The following PARD3B variants were observed in gnomAD, a reference collection of about 807,000 sequenced individuals.
PARD3B encodes partitioning defective 3 homolog B.
In PARD3B, 103 loss-of-function variants were observed where a neutral mutation model predicts 130.2. That is an observed-to-expected ratio of 0.79 (90% CI 0.67 to 0.93). The LOEUF (loss-of-function observed/expected upper bound fraction) is 0.93. Among genes scored for constraint, PARD3B ranks in the 40% least tolerant of loss-of-function variants. PARD3B has a pLI of 0.00. For missense variants in PARD3B, 1,609 were observed against 1,499.2 expected, an observed-to-expected ratio of 1.07 and a Z score of -1.21; for synonymous variants, 583 against 553.2, an observed-to-expected ratio of 1.05 and a Z score of -0.76.
chr2:204,557,110 A>G (rs1354700862), intron 1 of PARD3B, among the ~76,000 whole-genome samples: 1 of 151,016 alleles, frequency 6.6e-6, no homozygotes, highest in Non-Finnish European at 1.5e-5. Context: ...ATCTTCTTGT[A>G]TGTTGGTACA....
intron 2 of PARD3B, among the ~76,000 whole-genome samples, chr2:204,918,260 A>G (rs2047520761): frequency 6.6e-6 from 1 of 152,204 alleles, no homozygotes; most frequent in Non-Finnish European, 1.5e-5. Context: ...TGTTTTTTCC[A>G]CATTATAATG....
At chr2:204,581,838 G>A (rs918675164) in intron 1 of PARD3B, among the ~76,000 whole-genome samples, 1 of 152,192 alleles carries the variant, frequency 6.6e-6, no homozygotes, top group African/African-American at 2.4e-5. Flanking sequence ...CTTGACCAGA[G>A]AACTAATGTG....
intron 1 of PARD3B, among the ~76,000 whole-genome samples, chr2:204,636,791 C>T (rs2034895009): frequency 1.3e-5 from 2 of 152,228 alleles, no homozygotes; most frequent in Middle Eastern, 6.8e-3. Flanking sequence ...TCCTTAAACT[C>T]ACCCTGTACT....
chr2:205,423,386 C>T (rs1410882511), intron 19 of PARD3B, among the ~76,000 whole-genome samples: 1 of 152,188 alleles, frequency 6.6e-6, no homozygotes, highest in Admixed American at 6.5e-5. Context: ...GGTTCTTTCA[C>T]CTGATACTCA....
intron 19 of PARD3B, among the ~76,000 whole-genome samples, chr2:205,411,919 G>T (rs1206767329): frequency 2.0e-5 from 3 of 152,104 alleles, no homozygotes; most frequent in Admixed American, 2.0e-4. Context: ...GTGGGTGACT[G>T]CCAGCCTCTC....
chr2:205,540,536 T>G (rs2052079266), intron 21 of PARD3B, among the ~76,000 whole-genome samples: 1 of 152,140 alleles, frequency 6.6e-6, no homozygotes. Context: ...TTCGGACAGG[T>G]TTTTGAGACT....
At chr2:205,257,473 A>T (rs573477526) in intron 16 of PARD3B, among the ~76,000 whole-genome samples, 1 of 152,306 alleles carries the variant, frequency 6.6e-6, no homozygotes, top group African/African-American at 2.4e-5. Flanking sequence ...AACTGGTGAC[A>T]GAGACATTTT....
chr2:205,380,472 T>C (rs1205878379), intron 18 of PARD3B, among the ~76,000 whole-genome samples: 3 of 49,974 alleles, frequency 6.0e-5, no homozygotes, highest in African/African-American at 2.5e-4. Flanking sequence ...ATAAAGAATA[T>C]ATATTATATA....
At chr2:205,052,452 A>ATATAT (rs1443249681) in intron 4 of PARD3B, among the ~76,000 whole-genome samples, 598 of 20,506 alleles carry the variant, frequency 0.029, 17 homozygotes, top group Non-Finnish European at 0.037. Flanking sequence ...TATATATATA[A>ATATAT]AATTAAAAAA....
In PARD3B at chr2:205,616,563, A is replaced by G. The variant is rs942024214; in HGVS notation, c.*750A>G. Reference sequence around the variant, plus strand: ...GAGCTTCCAGAAGGAATATCTTCCGAGGACTAAGGTGATCAGGTTAAGAGG... The same window carrying G: ...GAGCTTCCAGAAGGAATATCTTCCGGGGACTAAGGTGATCAGGTTAAGAGG... On this transcript the variant is annotated 3_prime_UTR_variant, in exon 23 of 23. Transcript: ENST00000406610. The G allele has an allele frequency of 2.0e-5, 3 of 152,202 alleles. No homozygotes were observed. In the East Asian group the frequency reaches 5.8e-4, roughly 29 times the overall value. 9.4% of individuals were successfully genotyped at this position (152,202 alleles called of 1,614,324 possible). A position where few individuals can be genotyped will look rare whatever the true frequency, so the allele number is the denominator to read the frequency against.
At chr2:205,070,504 G>C (rs1292695889) in intron 4 of PARD3B, among the ~76,000 whole-genome samples, 3 of 152,048 alleles carry the variant, frequency 2.0e-5, no homozygotes, top group African/African-American at 7.2e-5. Flanking sequence ...TCCCTGTAAA[G>C]TTGTTTGAAT....
chr2:204,801,073 A>G (rs548859041), intron 2 of PARD3B, among the ~76,000 whole-genome samples: 1 of 152,082 alleles, frequency 6.6e-6, no homozygotes, highest in East Asian at 1.9e-4. Flanking sequence ...TGGTCTACAT[A>G]TCTGTTTTGG....
intron 1 of PARD3B, among the ~76,000 whole-genome samples, chr2:204,577,040 G>C (rs1405487716): frequency 3.9e-5 from 6 of 152,054 alleles, no homozygotes; most frequent in African/African-American, 1.4e-4. Context: ...TTCTTGGGGG[G>C]GGATGGGATA....
intron 2 of PARD3B, among the ~76,000 whole-genome samples, chr2:204,742,959 CAG>C (rs1246046074): frequency 6.6e-6 from 1 of 152,128 alleles, no homozygotes; most frequent in Non-Finnish European, 1.5e-5. Flanking sequence ...AGCTTTTTCT[CAG>C]AGTTTGTCTT....
intron 1 of PARD3B, among the ~76,000 whole-genome samples, chr2:204,579,516 C>T (rs2032438734): frequency 6.6e-6 from 1 of 152,092 alleles, no homozygotes; most frequent in South Asian, 2.1e-4. Context: ...AGGAAACTGG[C>T]TCTGTTCTAC....
chr2:204,773,387 CAT>C (rs201510432), intron 2 of PARD3B, among the ~76,000 whole-genome samples: 3,729 of 151,250 alleles, frequency 0.025, 85 homozygotes, highest in Non-Finnish European at 0.035. Context: ...CAAATATTTG[CAT>C]ATATATATAT....
At position 205,615,503 on chromosome 2, in the gene PARD3B, G is replaced by C; in HGVS notation, c.3308G>C (p.Gly1103Ala). The C allele has an allele frequency of 6.2e-7, 1 of 1,613,352 alleles. No individual in the cohort carries two copies. Among genetic ancestry groups the C allele is most frequent in the East Asian group, 2.2e-5 (1 of 44,854 alleles). The part of the protein sequence containing the change: ...PVDYLPAAPR[G>A]LYKERELPYY... ...GACTATCTGCCAGCAGCACCTCGGG[G>C]GCTCTACAAGGAAAGGGAGCTTCCC... Residue 1103 changes from glycine to alanine, a missense_variant, in exon 23 of 23, where the codon GGG becomes GCG. By Grantham distance (60) the Gly-to-Ala change is moderately conservative (BLOSUM62 0). Transcript: ENST00000406610.
At chr2:205,310,372 G>A (rs993684348) in intron 18 of PARD3B, among the ~76,000 whole-genome samples, 1 of 151,846 alleles carries the variant, frequency 6.6e-6, no homozygotes, top group South Asian at 2.1e-4. Context: ...TACTCTTTTA[G>A]CAAGTTTCAA....
In PARD3B at chr2:205,142,466, A is replaced by G. The variant is rs368296571; in HGVS notation, c.1435-16256A>G. 4.6e-5 allele frequency among the ~76,000 whole-genome samples: 7 copies of G among 152,330 alleles called. No homozygotes were observed. The South Asian group carries it at 1.4e-3, about 32-fold the overall frequency. On this transcript the variant is annotated intron_variant, in intron 10 of 22. Coordinates refer to ENST00000406610, the MANE Select transcript of PARD3B (RefSeq NM_001302769.2). The surrounding 1 kb of genome is among the most constrained non-coding windows in gnomAD (Gnocchi z 4.3). ...AGAAGTGTCAACAAAACATGTATGA[A>G]GTCATCGCATAACGAATACTTACTA...
Sources: allele counts gnomAD v4.1 joint callset (sites outside exome capture counted in the v4.1 genomes callset), GRCh38; gene constraint gnomAD v4.1.1; non-coding constraint Gnocchi (gnomAD v3.1); transcripts MANE v1.5; gene names NCBI Gene and HGNC (gene_info 2026-07-23, HGNC 2026-07-21).